ECT2: variants seen among roughly 807,000 people sequenced by gnomAD.
ECT2 encodes the protein epithelial cell transforming 2.
Under a neutral mutation model 116.9 loss-of-function variants are expected in ECT2, and 61 were observed. The observed-to-expected ratio is 0.52, with a 90% CI of 0.42 to 0.65. ECT2 has a LOEUF of 0.65. Among genes scored for constraint, ECT2 ranks in the 30% least tolerant of loss-of-function variants. The pLI is 0.00. For missense variants in ECT2, 937 were observed against 1,078.7 expected (o/e 0.87, Z 1.84); for synonymous variants, 358 against 346.4 (o/e 1.03, Z -0.37).
intron 18 of ECT2, among the ~76,000 whole-genome samples, chr3:172,795,015 G>A (rs923729300): frequency 6.6e-6 from 1 of 152,104 alleles, no homozygotes; most frequent in Admixed American, 6.5e-5. Context: ...CTTGGCCTAT[G>A]TTAGCAATAT....
intron 4 of ECT2, 118 bp from the exon 5 acceptor site, chr3:172,756,865 T>C: frequency 1.1e-6 from 1 of 873,322 alleles, no homozygotes; most frequent in Non-Finnish European, 1.7e-6. Flanking sequence ...ACTTATTTTC[T>C]ACAAATATAA....
intron 18 of ECT2, among the ~76,000 whole-genome samples, chr3:172,801,241 T>A (rs186223138): frequency 1.4e-4 from 21 of 152,360 alleles, no homozygotes; most frequent in African/African-American, 4.8e-4. Context: ...TAAAAATGTT[T>A]TTGAGTTTTT....
Position 172,769,149 on chromosome 3 carries a change from T to C in ECT2, c.1428+6T>C, listed in dbSNP as rs1458151797. On this transcript the variant is annotated splice_donor_region_variant and intron_variant, in intron 13 of 24. Transcript: ENST00000392692. ...TATTGGCAACAATTATTCAGGTAAG[T>C]ATGAGTTTGATTGAAAAATGATTTC... 1 of 1,601,538 alleles carries C rather than the reference T, an allele frequency of 6.2e-7. No individual in the cohort carries two copies. Among genetic ancestry groups the C allele is most frequent in the Non-Finnish European group, 8.5e-7 (1 of 1,172,566 alleles).
chr3:172,811,955 C>T (rs1304738755), intron 22 of ECT2, among the ~76,000 whole-genome samples: 1 of 150,848 alleles, frequency 6.6e-6, no homozygotes, highest in African/African-American at 2.4e-5. Context: ...TAAGCATAGA[C>T]ATATGTACAT....
chr3:172,822,826 C>G (rs1020551666), downstream of ECT2, among the ~76,000 whole-genome samples: 16 of 151,740 alleles, frequency 1.1e-4, no homozygotes, highest in Non-Finnish European at 2.2e-4. Context: ...AGAAAATTAC[C>G]CTCACAAACC....
At chr3:172,807,727 C>A (rs749906558) in intron 21 of ECT2, 43 bp from the exon 22 acceptor site, 1 of 1,552,332 alleles carries the variant, frequency 6.4e-7, no homozygotes, top group Non-Finnish European at 8.7e-7. Flanking sequence ...TGTCATTTTC[C>A]AAGGAGTGAC....
chr3:172,826,239 A>G (rs751285547), downstream of ECT2, among the ~76,000 whole-genome samples: 7 of 152,216 alleles, frequency 4.6e-5, no homozygotes, highest in Non-Finnish European at 8.8e-5. Context: ...GCCTGTCTTC[A>G]GTGCTTCAAA....
chr3:172,773,968 T>G lies in ECT2; in HGVS notation c.1494T>G (p.Ile498Met). The change falls in exon 14 of 25, where the codon ATT becomes ATG. Residue 498 changes from isoleucine to methionine, a missense_variant. By Grantham distance (10) the Ile-to-Met change is conservative (BLOSUM62 1). Coordinates refer to ENST00000392692, the MANE Select transcript of ECT2 (RefSeq NM_001258315.2). The stretch of plus-strand genomic sequence containing the variant: ...GACCTATCCTTGCACCAGAGGAGAT[T>G]AAGACTATTTTTGGTAGCATCCCAG... Reference protein sequence around the residue: ...RGGPILAPEEIKTIFGSIPDI... With the variant: ...RGGPILAPEEMKTIFGSIPDI... 6.2e-7 allele frequency: 1 copy of G among 1,613,134 alleles called. No homozygotes were observed. The highest frequency in any genetic ancestry group is 8.5e-7 in the Non-Finnish European group (1 of 1,179,136).
At chr3:172,825,439 C>T (rs185618411), downstream of ECT2, among the ~76,000 whole-genome samples, 1 of 152,230 alleles carries the variant, frequency 6.6e-6, no homozygotes, top group East Asian at 1.9e-4. Context: ...GAAAGCAAGG[C>T]CCCTTGTGCT....
intron 13 of ECT2, among the ~76,000 whole-genome samples, chr3:172,770,356 C>T (rs1236242743): frequency 6.6e-6 from 1 of 152,082 alleles, no homozygotes; most frequent in Non-Finnish European, 1.5e-5. Flanking sequence ...TTCTAATTTG[C>T]ATATCAATTA....
At chr3:172,806,651 GTTTT>G (rs71162314) in intron 21 of ECT2, among the ~76,000 whole-genome samples, 50 of 77,526 alleles carry the variant, frequency 6.4e-4, no homozygotes, top group African/African-American at 1.1e-3. Flanking sequence ...TTTTTTGTGG[GTTTT>G]TTTTTTTTTT....
chr3:172,816,264 G>A (rs1171551442), intron 23 of ECT2, among the ~76,000 whole-genome samples: 1 of 152,020 alleles, frequency 6.6e-6, no homozygotes, highest in African/African-American at 2.4e-5. Context: ...CCTTGGTGGG[G>A]GGGCTTTGTA....
chr3:172,792,583 G>T (rs1288269995), intron 18 of ECT2, among the ~76,000 whole-genome samples: 1 of 151,688 alleles, frequency 6.6e-6, no homozygotes, highest in South Asian at 2.1e-4. Context: ...ATGGCATTTT[G>T]GTTGTTTCCA....
chr3:172,781,602 A>G (rs1164888071), intron 14 of ECT2, among the ~76,000 whole-genome samples: 1 of 152,146 alleles, frequency 6.6e-6, no homozygotes, highest in Non-Finnish European at 1.5e-5. Context: ...ATGTTCTTCT[A>G]AGTTTTTACA....
At chr3:172,759,423 A>G (rs971390290) in intron 6 of ECT2, among the ~76,000 whole-genome samples, 2 of 152,054 alleles carry the variant, frequency 1.3e-5, no homozygotes, top group Non-Finnish European at 2.9e-5. Flanking sequence ...TATAGAATTC[A>G]TAGAAAGTTC....
At chr3:172,770,728 T>G (rs2108474897) in intron 13 of ECT2, among the ~76,000 whole-genome samples, 1 of 152,302 alleles carries the variant, frequency 6.6e-6, no homozygotes, top group East Asian at 1.9e-4. Flanking sequence ...TAATTATAGC[T>G]TATCCTCAAA....
intron 14 of ECT2, among the ~76,000 whole-genome samples, chr3:172,780,625 C>T (rs1722529365): frequency 6.6e-6 from 1 of 152,184 alleles, no homozygotes; most frequent in African/African-American, 2.4e-5. Context: ...GTGGTCCTCC[C>T]ACGTCAGCCT....
chr3:172,799,881 C>G (rs1726399854), intron 18 of ECT2, among the ~76,000 whole-genome samples: 1 of 152,258 alleles, frequency 6.6e-6, no homozygotes, highest in East Asian at 1.9e-4. Flanking sequence ...GCTGCTAATA[C>G]CTATGGAATT....
chr3:172,761,695 GAAAC>G lies in ECT2; in HGVS notation c.758+13_758+16del. The G allele has an allele frequency of 6.4e-7, 1 of 1,566,584 alleles. No homozygotes were observed. The highest frequency in any genetic ancestry group is 8.8e-7 in the Non-Finnish European group (1 of 1,140,966). ...AGGCGGAATGAACAGTAAGTGTTTA[GAAAC>G]TCAGTAGTTCATTATGTAAATTAAA... On this transcript the variant is annotated intron_variant, in intron 8 of 24. Coordinates refer to ENST00000392692, the MANE Select transcript of ECT2 (RefSeq NM_001258315.2).
Sources: gnomAD v4.1 joint callset for allele counts (sites outside exome capture counted in the v4.1 genomes callset) on GRCh38, gnomAD v4.1.1 for gene constraint, MANE v1.5 for transcripts, NCBI Gene and HGNC (gene_info 2026-07-23, HGNC 2026-07-21) for gene names.